NDUFAF6: variants seen among roughly 807,000 people sequenced by gnomAD.
NDUFAF6 encodes NADH:ubiquinone oxidoreductase complex assembly factor 6.
NDUFAF6 carries 45 observed loss-of-function variants against 40.8 expected under a neutral mutation model. The observed-to-expected ratio is 1.10, with a 90% confidence interval of 0.87 to 1.42. The LOEUF (loss-of-function observed/expected upper bound fraction) is 1.42. Ranked by LOEUF, NDUFAF6 falls within the 40% of genes most tolerant of loss-of-function variation. NDUFAF6 has a pLI of 0.00. For synonymous variants in NDUFAF6, 185 were observed against 155.9 expected, an observed-to-expected ratio of 1.19 and a Z score of -1.39; for missense variants, 435 against 418.5, an observed-to-expected ratio of 1.04 and a Z score of -0.34.
At position 95,029,992 on chromosome 8, in the gene NDUFAF6, C is replaced by CCATCAAA. The variant is rs554412346; in HGVS notation, c.198-2001_198-1995dup. On this transcript the variant is annotated intron_variant, in intron 1 of 8. Coordinates refer to ENST00000396124, the MANE Select transcript of NDUFAF6 (RefSeq NM_152416.4). ...TCAGTACTATGTAAGTATTCTTTTT[C>CCATCAAA]CATCAAACTTTTACCCCTTTAACAT... Among the ~76,000 whole-genome samples, 61 of 152,078 alleles carry CCATCAAA rather than the reference C, an allele frequency of 4.0e-4. No individual in the cohort carries two copies. The South Asian group carries it at 0.012, about 29-fold the overall frequency.
chr8:94,953,540 A>G (rs957193868), upstream of NDUFAF6, among the ~76,000 whole-genome samples: 1 of 152,230 alleles, frequency 6.6e-6, no homozygotes, highest in African/African-American at 2.4e-5. Flanking sequence ...GATTAGTTGA[A>G]GTGTGTGAGC....
At chr8:94,938,606 C>CA (rs1187732655) in intron 1 of NDUFAF6, among the ~76,000 whole-genome samples, 1 of 152,130 alleles carries the variant, frequency 6.6e-6, no homozygotes, top group Non-Finnish European at 1.5e-5. Context: ...CACCAATGGC[C>CA]AATGATTTAA....
intron 2 of NDUFAF6, among the ~76,000 whole-genome samples, chr8:94,982,984 C>A (rs1825568384): frequency 6.6e-6 from 1 of 152,240 alleles, no homozygotes; most frequent in Admixed American, 6.5e-5. Flanking sequence ...GTTTGTACAG[C>A]TACTGTTTTT....
At chr8:95,077,212 G>T (rs1383765864), downstream of NDUFAF6, among the ~76,000 whole-genome samples, 1 of 152,150 alleles carries the variant, frequency 6.6e-6, no homozygotes, top group African/African-American at 2.4e-5. Context: ...CCCAGCCTGT[G>T]GCATGTTTTT....
At chr8:95,011,179 G>A (rs1827214116) in intron 2 of NDUFAF6, among the ~76,000 whole-genome samples, 1 of 152,190 alleles carries the variant, frequency 6.6e-6, no homozygotes, top group African/African-American at 2.4e-5. Context: ...AAGCACCAGG[G>A]CCTTCAGTGA....
At chr8:94,933,824 C>A in intron 1 of NDUFAF6, among the ~76,000 whole-genome samples, 2 of 87,020 alleles carry the variant, frequency 2.3e-5, no homozygotes, top group Admixed American at 1.4e-4. Context: ...CCTGTAATCC[C>A]AGCACTTTGT....
At chr8:95,045,016 G>A (rs1222634136) in intron 4 of NDUFAF6, among the ~76,000 whole-genome samples, 2 of 151,790 alleles carry the variant, frequency 1.3e-5, no homozygotes, top group East Asian at 1.9e-4. Flanking sequence ...CTTTTTCTAG[G>A]TACCTTTTCC....
intron 2 of NDUFAF6, among the ~76,000 whole-genome samples, chr8:95,006,372 A>AAG: frequency 6.6e-6 from 1 of 151,226 alleles, no homozygotes; most frequent in East Asian, 1.9e-4. Flanking sequence ...AAAAAAAAAA[A>AAG]AAAAGAAAGA....
intron 2 of NDUFAF6, among the ~76,000 whole-genome samples, chr8:95,083,496 G>T (rs568799084): frequency 6.6e-6 from 1 of 152,212 alleles, no homozygotes; most frequent in Admixed American, 6.5e-5. Context: ...TACTCATCTA[G>T]AACAGCAGTT....
chr8:95,107,879 C>T (rs868730754), downstream of NDUFAF6, among the ~76,000 whole-genome samples: 2 of 152,154 alleles, frequency 1.3e-5, no homozygotes, highest in Admixed American at 6.5e-5. Flanking sequence ...CTAGGAGCTT[C>T]GATAGTACCA....
intron 1 of NDUFAF6, among the ~76,000 whole-genome samples, chr8:94,900,723 G>C (rs988335714): frequency 6.6e-6 from 1 of 152,218 alleles, no homozygotes; most frequent in African/African-American, 2.4e-5. Context: ...TCTGTCCCCA[G>C]AGCTTGAGTT....
chr8:94,930,228 CTG>C, intron 1 of NDUFAF6: 1 of 486,496 alleles, frequency 2.1e-6, no homozygotes, highest in South Asian at 3.1e-5. Context: ...CCCCCAAACA[CTG>C]TAATTATATT....
chr8:94,897,706 CT>C (rs11432186), intron 1 of NDUFAF6, among the ~76,000 whole-genome samples: 6 of 131,934 alleles, frequency 4.5e-5, no homozygotes, highest in Non-Finnish European at 7.8e-5. Context: ...TATTCTGTGC[CT>C]TTTTTTTTTT....
At chr8:94,915,272 C>T (rs914039899) in intron 1 of NDUFAF6, among the ~76,000 whole-genome samples, 2 of 152,084 alleles carry the variant, frequency 1.3e-5, no homozygotes, top group African/African-American at 4.8e-5. Flanking sequence ...TCTTTCTGTC[C>T]ATCTTTACCC....
Position 95,025,102 on chromosome 8 carries a change from C to A in NDUFAF6, c.94C>A (p.Arg32Ser), listed in dbSNP as rs762519521. ...CCGGCCGCCTCTGGGTCTGTACGCG[C>A]GCATGCGGCGGCTGCCCGGGCCGGA... ...CRRPPLGLYA[R>S]MRRLPGPEVS... The change falls in exon 1 of 9, where the codon CGC becomes AGC. Residue 32 changes from arginine (R) to serine (S), a missense_variant. By Grantham distance (110) the Arg-to-Ser change is moderately radical (BLOSUM62 -1). Coordinates refer to ENST00000396124, the MANE Select transcript of NDUFAF6 (RefSeq NM_152416.4). 4 of 1,482,558 alleles carry A rather than the reference C, an allele frequency of 2.7e-6. No homozygotes were observed. Among genetic ancestry groups the A allele is most frequent in the Admixed American group, 2.4e-5 (1 of 41,854 alleles). The allele number at this position is 1,482,558 out of a possible 1,614,324, so 91.8% of individuals were successfully genotyped here. A position where few individuals can be genotyped will look rare whatever the true frequency, so the allele number is the denominator to read the frequency against.
At chr8:94,930,623 C>G (rs771481093) in intron 1 of NDUFAF6, 13 of 1,614,186 alleles carry the variant, frequency 8.1e-6, no homozygotes, top group Middle Eastern at 1.6e-4. Flanking sequence ...CTTTTATCCA[C>G]TGGGAAGGGC....
chr8:94,952,659 C>T (rs1234820185), intron 2 of NDUFAF6, among the ~76,000 whole-genome samples: 2 of 152,182 alleles, frequency 1.3e-5, no homozygotes, highest in African/African-American at 2.4e-5. Flanking sequence ...AGAAAACAGG[C>T]GTTTAACTGG....
In NDUFAF6 at chr8:95,057,982, T is replaced by C. The variant is rs1334349918; in HGVS notation, c.*45T>C. On this transcript the variant is annotated 3_prime_UTR_variant, in exon 9 of 9. Coordinates refer to ENST00000396124, the MANE Select transcript of NDUFAF6 (RefSeq NM_152416.4). ...TGTTAATTCTAGTCTATTAGTTTTATAAAAGTTAGGATTCTTATTTAGGAA... is the reference window on the plus strand; with the variant it reads ...TGTTAATTCTAGTCTATTAGTTTTACAAAAGTTAGGATTCTTATTTAGGAA... 1.3e-6 allele frequency: 2 copies of C among 1,527,672 alleles called. No homozygotes were observed. The highest frequency in any genetic ancestry group is 1.8e-6 in the Non-Finnish European group (2 of 1,114,624). The allele number at this position is 1,527,672 out of a possible 1,614,324, so 94.6% of individuals were successfully genotyped here.
upstream of NDUFAF6, among the ~76,000 whole-genome samples, chr8:94,955,459 C>T (rs1290318871): frequency 6.6e-6 from 1 of 152,208 alleles, no homozygotes; most frequent in East Asian, 1.9e-4. Flanking sequence ...GACCTAATCA[C>T]CTCTTAAAGG....
Sources: gnomAD v4.1 joint callset for allele counts (sites outside exome capture counted in the v4.1 genomes callset) on GRCh38, gnomAD v4.1.1 for gene constraint, MANE v1.5 for transcripts, NCBI Gene and HGNC (gene_info 2026-07-23, HGNC 2026-07-21) for gene names.